Variants in FSTL4 observed in about 807,000 individuals in gnomAD.
FSTL4 encodes the protein follistatin-related protein 4.
In FSTL4, 28 loss-of-function variants were observed where a neutral mutation model predicts 78.2. The ratio of observed to expected loss-of-function variants is 0.36; its 90% CI spans 0.27 to 0.49. The LOEUF is 0.49. Ranked by LOEUF, FSTL4 falls within the 20% of genes least tolerant of loss-of-function variation. FSTL4 has a pLI of 0.98. For missense variants in FSTL4, 922 were observed against 1,084.9 expected, an observed-to-expected ratio of 0.85 and a Z score of 2.11; for synonymous variants, 422 against 440.5, an observed-to-expected ratio of 0.96 and a Z score of 0.53.
chr5:133,837,041 C>T, the FSTL4 span, among the ~76,000 whole-genome samples: 196 of 152,092 alleles, frequency 1.3e-3, 1 homozygote, highest in African/African-American at 4.6e-3. Flanking sequence ...TGGCTTCTAC[C>T]CCTCCCTAAG....
the FSTL4 span, among the ~76,000 whole-genome samples, chr5:133,711,020 C>T: frequency 2.0e-4 from 30 of 152,214 alleles, no homozygotes; most frequent in Non-Finnish European, 3.7e-4. Flanking sequence ...CAGAGCCTCT[C>T]TCTTCTGAGC....
chr5:133,487,212 T>G (rs1312015170), intron 3 of FSTL4, among the ~76,000 whole-genome samples: 1 of 152,214 alleles, frequency 6.6e-6, no homozygotes, highest in East Asian at 1.9e-4. Flanking sequence ...GCTCCTGGTC[T>G]CACTGCCCAA....
At chr5:133,657,706 C>T in the FSTL4 span, among the ~76,000 whole-genome samples, 1 of 150,724 alleles carries the variant, frequency 6.6e-6, no homozygotes, top group South Asian at 2.1e-4. Flanking sequence ...TCCTTTTTTA[C>T]TCAACACTAT....
intron 2 of FSTL4, among the ~76,000 whole-genome samples, chr5:133,567,944 G>C (rs1760064472): frequency 6.6e-6 from 1 of 152,208 alleles, no homozygotes; most frequent in Non-Finnish European, 1.5e-5. Flanking sequence ...AGAAATGAAA[G>C]GGTGATTTGT....
intron 2 of FSTL4, among the ~76,000 whole-genome samples, chr5:133,580,404 G>C (rs1478621618): frequency 4.6e-5 from 7 of 152,180 alleles, no homozygotes; most frequent in Admixed American, 2.6e-4. Flanking sequence ...TCATTCAGTA[G>C]ATATTTATTG....
chr5:133,237,468 G>C (rs1197143654), intron 7 of FSTL4, among the ~76,000 whole-genome samples: 1 of 152,148 alleles, frequency 6.6e-6, no homozygotes, highest in African/African-American at 2.4e-5. Context: ...GCTGAGGGGT[G>C]TGTGTGTCAG....
chr5:133,625,413 T>G, the FSTL4 span, among the ~76,000 whole-genome samples: 2 of 151,670 alleles, frequency 1.3e-5, no homozygotes, highest in Admixed American at 6.6e-5. Flanking sequence ...GAGTGGTTAA[T>G]ACTACCTTAT....
At chr5:133,517,345 C>T (rs1350275898) in intron 3 of FSTL4, among the ~76,000 whole-genome samples, 1 of 140,426 alleles carries the variant, frequency 7.1e-6, no homozygotes, top group Non-Finnish European at 1.5e-5. Flanking sequence ...ATTGCTTGAG[C>T]CTGGGAGGTG....
At chr5:133,840,042 A>C in the FSTL4 span, among the ~76,000 whole-genome samples, 2 of 152,188 alleles carry the variant, frequency 1.3e-5, no homozygotes, top group Non-Finnish European at 2.9e-5. Flanking sequence ...TTGATGAGAG[A>C]GTAAGAAACA....
intron 3 of FSTL4, among the ~76,000 whole-genome samples, chr5:133,531,564 GGCCTCTCA>G (rs1451356771): frequency 1.3e-5 from 2 of 152,160 alleles, no homozygotes; most frequent in Non-Finnish European, 2.9e-5. Context: ...TTTCTAAGCA[GGCCTCTCA>G]GCTCTGGGGA....
chr5:133,313,156 C>A (rs1411094544), intron 5 of FSTL4, among the ~76,000 whole-genome samples: 2 of 152,226 alleles, frequency 1.3e-5, no homozygotes, highest in African/African-American at 4.8e-5. Context: ...ATAAACCCAG[C>A]AAACAGTGGC....
intron 4 of FSTL4, among the ~76,000 whole-genome samples, chr5:133,365,735 A>G (rs1755169689): frequency 6.6e-6 from 1 of 152,274 alleles, no homozygotes; most frequent in Non-Finnish European, 1.5e-5. Context: ...TTCTGTTATT[A>G]GATGGGCTGG....
At chr5:133,514,404 C>T (rs1048865256) in intron 3 of FSTL4, among the ~76,000 whole-genome samples, 2 of 151,952 alleles carry the variant, frequency 1.3e-5, no homozygotes, top group Non-Finnish European at 2.9e-5. Context: ...AATTAGCATC[C>T]ACATAGGAAC....
At chr5:133,464,987 C>T (rs1248028256) in intron 3 of FSTL4, among the ~76,000 whole-genome samples, 2 of 152,222 alleles carry the variant, frequency 1.3e-5, no homozygotes, top group African/African-American at 4.8e-5. Context: ...TCCTATTTTC[C>T]AACCTGCCTT....
At chr5:133,819,563 C>T in the FSTL4 span, among the ~76,000 whole-genome samples, 1 of 152,170 alleles carries the variant, frequency 6.6e-6, no homozygotes, top group Non-Finnish European at 1.5e-5. Context: ...TTTGTGTGCT[C>T]TTCACTTGCT....
At chr5:133,644,196 A>G in the FSTL4 span, among the ~76,000 whole-genome samples, 1 of 152,218 alleles carries the variant, frequency 6.6e-6, no homozygotes. Context: ...TTCAGCTGGA[A>G]CAGCCCTTCT....
At chr5:133,761,676 T>G in the FSTL4 span, among the ~76,000 whole-genome samples, 230 of 152,340 alleles carry the variant, frequency 1.5e-3, 1 homozygote, top group Middle Eastern at 6.8e-3. Context: ...CTTTCTTTAA[T>G]GTCATCCAGA....
intron 7 of FSTL4, among the ~76,000 whole-genome samples, chr5:133,240,577 T>G (rs1751832961): frequency 6.6e-6 from 1 of 152,132 alleles, no homozygotes; most frequent in African/African-American, 2.4e-5. Context: ...TCGGGGCATG[T>G]GTGGTCCCTG....
chr5:133,671,014 T>G, the FSTL4 span, among the ~76,000 whole-genome samples: 152,275 of 152,280 alleles, frequency 1, 76,135 homozygotes, highest in Middle Eastern at 1. Context: ...AGAGGTGATG[T>G]TGTACCAGTT....
Sources: allele counts gnomAD v4.1 joint callset (sites outside exome capture counted in the v4.1 genomes callset), GRCh38; gene constraint gnomAD v4.1.1; transcripts MANE v1.5; gene names NCBI Gene and HGNC (gene_info 2026-07-23, HGNC 2026-07-21).